ACER2: variants seen among roughly 807,000 people sequenced by gnomAD.
The protein encoded by ACER2 is alkaline ceramidase 2.
A neutral mutation model predicts 34.7 loss-of-function variants in ACER2; 26 were observed. That is an observed-to-expected ratio of 0.75 (90% confidence interval 0.55 to 1.04). ACER2 has a LOEUF of 1.04. Among genes scored for constraint, ACER2 ranks in the 50% least tolerant of loss-of-function variants. The probability of loss-of-function intolerance (pLI) is 0.00; values close to 1 mark genes in which losing one functional copy is unlikely to be tolerated. For synonymous variants in ACER2, 138 were observed against 132.1 expected, an observed-to-expected ratio of 1.04 and a Z score of -0.31; for missense variants, 352 against 340.8, an observed-to-expected ratio of 1.03 and a Z score of -0.26.
chr9:19,419,995 C>T (rs1830354652), intron 1 of ACER2, among the ~76,000 whole-genome samples: 1 of 152,172 alleles, frequency 6.6e-6, no homozygotes, highest in Admixed American at 6.5e-5. Context: ...CCGCTCTCCT[C>T]CCCAGATGGT....
Position 19,433,972 on chromosome 9 carries a change from C to T in ACER2, c.366-975C>T, listed in dbSNP as rs545991768. ...GGGGCTGACCCCCCCACCTCCCTCC[C>T]GGACGGGGTGGCTGCCGGGCGGAGA... On this transcript the variant is annotated intron_variant, in intron 3 of 5. Transcript: ENST00000340967. Among the ~76,000 whole-genome samples, 338 of 150,360 alleles carry T rather than the reference C, an allele frequency of 2.2e-3. 2 individuals carry two copies. Among genetic ancestry groups the T allele is most frequent in the African/African-American group, 7.5e-3 (298 of 39,868 alleles).
intron 1 of ACER2, among the ~76,000 whole-genome samples, chr9:19,423,024 C>G (rs1830451799): frequency 1.4e-5 from 2 of 144,350 alleles, no homozygotes; most frequent in Non-Finnish European, 3.0e-5. Flanking sequence ...AAGAAAGAAA[C>G]TCTGTCTCAA....
intron 3 of ACER2, among the ~76,000 whole-genome samples, chr9:19,432,475 T>C (rs1023253633): frequency 2.0e-5 from 3 of 151,996 alleles, no homozygotes; most frequent in Non-Finnish European, 4.4e-5. Flanking sequence ...CCAGCCATGC[T>C]CCTTCATTTA....
intron 5 of ACER2, among the ~76,000 whole-genome samples, chr9:19,448,334 A>C (rs1831442224): frequency 6.6e-6 from 1 of 152,134 alleles, no homozygotes; most frequent in Non-Finnish European, 1.5e-5. Flanking sequence ...TTTTAACCAA[A>C]TACTTAAATC....
At chr9:19,416,406 A>G (rs1452778424) in intron 1 of ACER2, among the ~76,000 whole-genome samples, 2 of 152,244 alleles carry the variant, frequency 1.3e-5, no homozygotes, top group African/African-American at 4.8e-5. Context: ...AGCTGGGAGC[A>G]GTGGAAGGAG....
At chr9:19,447,525 T>C (rs1396298659) in intron 5 of ACER2, among the ~76,000 whole-genome samples, 1 of 152,176 alleles carries the variant, frequency 6.6e-6, no homozygotes, top group African/African-American at 2.4e-5. Flanking sequence ...CAACTAATAC[T>C]AGTGAATTTA....
At chr9:19,422,203 A>T (rs1245954584) in intron 1 of ACER2, among the ~76,000 whole-genome samples, 1 of 151,802 alleles carries the variant, frequency 6.6e-6, no homozygotes, top group Non-Finnish European at 1.5e-5. Context: ...CAAGAGGCTG[A>T]GGCAGGAGGC....
chr9:19,430,288 G>A (rs1475696043), intron 3 of ACER2, among the ~76,000 whole-genome samples: 1 of 152,146 alleles, frequency 6.6e-6, no homozygotes, highest in Admixed American at 6.5e-5. Context: ...TTTGATGATG[G>A]TACTGGGTTG....
At chr9:19,439,100 T>C (rs960659058) in intron 4 of ACER2, among the ~76,000 whole-genome samples, 86 of 152,252 alleles carry the variant, frequency 5.6e-4, no homozygotes, top group African/African-American at 2.0e-3. Context: ...ATTCTAATCT[T>C]TGTAAATAAT....
At chr9:19,434,436 G>T (rs1309493892) in intron 3 of ACER2, among the ~76,000 whole-genome samples, 7 of 152,258 alleles carry the variant, frequency 4.6e-5, no homozygotes, top group Non-Finnish European at 7.3e-5. Flanking sequence ...GGGAGGTGGA[G>T]GTTGTAGCGA....
intron 4 of ACER2, among the ~76,000 whole-genome samples, chr9:19,442,191 C>G (rs901012614): frequency 6.6e-6 from 1 of 152,064 alleles, no homozygotes; most frequent in Non-Finnish European, 1.5e-5. Flanking sequence ...TAAAAAAATA[C>G]TTTTTCTGAT....
intron 1 of ACER2, among the ~76,000 whole-genome samples, chr9:19,414,571 C>A (rs1213384107): frequency 1.3e-5 from 2 of 151,954 alleles, no homozygotes. Context: ...TCACTTGAGC[C>A]CAGGCTGAGG....
chr9:19,429,539 C>T (rs1414302861), intron 3 of ACER2, among the ~76,000 whole-genome samples: 1 of 152,034 alleles, frequency 6.6e-6, no homozygotes. Flanking sequence ...ACCATGTTGC[C>T]CAGGCTGGTC....
intron 1 of ACER2, among the ~76,000 whole-genome samples, chr9:19,422,955 C>T (rs981413598): frequency 4.0e-5 from 6 of 150,560 alleles, no homozygotes; most frequent in African/African-American, 1.5e-4. Flanking sequence ...TCGCTTGAAC[C>T]TGGGAGGCAG....
At chr9:19,418,916 G>T (rs1269159015) in intron 1 of ACER2, among the ~76,000 whole-genome samples, 2 of 149,278 alleles carry the variant, frequency 1.3e-5, no homozygotes, top group African/African-American at 5.2e-5. Context: ...GCCGGGTGCG[G>T]TGGCCTGTGC....
At chr9:19,421,309 G>C (rs1430880483) in intron 1 of ACER2, among the ~76,000 whole-genome samples, 1 of 152,124 alleles carries the variant, frequency 6.6e-6, no homozygotes, top group Admixed American at 6.6e-5. Context: ...TTTTGTGTGT[G>C]GGGGTGACAC....
intron 4 of ACER2, among the ~76,000 whole-genome samples, chr9:19,444,000 T>G (rs1475229424): frequency 6.6e-6 from 1 of 152,004 alleles, no homozygotes; most frequent in Non-Finnish European, 1.5e-5. Context: ...ATTCATAGTT[T>G]CAACTTGTGA....
intron 1 of ACER2, among the ~76,000 whole-genome samples, chr9:19,412,672 A>AT (rs1435435016): frequency 1.3e-5 from 2 of 151,910 alleles, no homozygotes; most frequent in Non-Finnish European, 2.9e-5. Context: ...AAAAAAAAAA[A>AT]AAACCAGCAT....
intron 3 of ACER2, among the ~76,000 whole-genome samples, chr9:19,433,543 C>T (rs1398721728): frequency 3.9e-5 from 6 of 152,184 alleles, no homozygotes; most frequent in Admixed American, 3.3e-4. Context: ...AAAAGTCTCC[C>T]ATGTCTACCT....
Sources: gnomAD v4.1 joint callset for allele counts (sites outside exome capture counted in the v4.1 genomes callset) on GRCh38, gnomAD v4.1.1 for gene constraint, MANE v1.5 for transcripts, NCBI Gene and HGNC (gene_info 2026-07-23, HGNC 2026-07-21) for gene names.